Variants in LONP1 observed in about 807,000 individuals in gnomAD.
LONP1 encodes the protein lon peptidase 1, mitochondrial.
In LONP1, 31 loss-of-function variants were observed where a neutral mutation model predicts 98.5. The observed-to-expected ratio is 0.31, with a 90% CI of 0.24 to 0.42. LONP1 has a LOEUF of 0.42. Ranked by LOEUF, LONP1 falls within the 20% of genes least tolerant of loss-of-function variation. The pLI is 1.00. For missense variants in LONP1, 1,336 were observed against 1,350.6 expected (o/e 0.99, Z 0.17); for synonymous variants, 781 against 594.7 (o/e 1.31, Z -4.56).
intron 4 of LONP1, 105 bp from the exon 5 acceptor site, chr19:5,708,508 T>G: frequency 1.2e-6 from 1 of 859,256 alleles, no homozygotes. Context: ...CTCCATCAAC[T>G]CCCTCCCCTC....
chr19:5,701,041 C>A (rs191894759), intron 8 of LONP1, 114 bp from the exon 9 acceptor site: 2 of 1,174,070 alleles, frequency 1.7e-6, no homozygotes, highest in South Asian at 1.3e-5. Context: ...GGGCTGAGCG[C>A]GGTGGCTCAC....
chr19:5,706,682 A>C (rs1012473178), intron 7 of LONP1, among the ~76,000 whole-genome samples: 45 of 152,180 alleles, frequency 3.0e-4, no homozygotes, highest in African/African-American at 9.7e-4. Flanking sequence ...GCCGAAAATC[A>C]TGACAGCGAG....
intron 8 of LONP1, among the ~76,000 whole-genome samples, chr19:5,704,517 T>C (rs1051655472): frequency 8.5e-5 from 13 of 152,170 alleles, no homozygotes; most frequent in African/African-American, 2.2e-4. Context: ...GCCTTCCCTC[T>C]AAGCGCTGTC....
At position 5,704,166 on chromosome 19, in the gene LONP1, G is replaced by T. The variant is rs562259989; in HGVS notation, c.1367+1606C>A. ...GACTGACTGGAAGAGGCTGCGCTGT[G>T]GCTGTGAAGGAGGAAGGGGCCCCGA... is the stretch of plus-strand genomic sequence containing the variant. On this transcript the variant is annotated intron_variant, in intron 8 of 17. Coordinates refer to ENST00000360614, the MANE Select transcript of LONP1 (RefSeq NM_004793.4). Among the ~76,000 whole-genome samples the T allele has an allele frequency of 2.6e-5, 4 of 152,320 alleles. No homozygotes were observed. The East Asian group carries it at 7.7e-4, about 29-fold the overall frequency.
In LONP1 at chr19:5,691,891, C is replaced by T. The variant is rs2145572291; in HGVS notation, c.*141G>A. On this transcript the variant is annotated 3_prime_UTR_variant, in exon 18 of 18. Coordinates refer to ENST00000360614, the MANE Select transcript of LONP1 (RefSeq NM_004793.4). ...CTATGCCACACTCTGATTAAGCCGA[C>T]TGAGGTCCCTGGGATCTGGGTCACT... 5 of 975,020 alleles carry T rather than the reference C, an allele frequency of 5.1e-6. No individual in the cohort carries two copies. Among genetic ancestry groups the T allele is most frequent in the Admixed American group, 2.7e-5 (1 of 37,096 alleles). 60.4% of individuals were successfully genotyped at this position (975,020 alleles called of 1,614,324 possible). A position where few individuals can be genotyped will look rare whatever the true frequency, so the allele number is the denominator to read the frequency against.
At chr19:5,702,094 C>A (rs2055059094) in intron 8 of LONP1, among the ~76,000 whole-genome samples, 1 of 145,962 alleles carries the variant, frequency 6.9e-6, no homozygotes, top group African/African-American at 2.5e-5. Flanking sequence ...CAGCCCCCCA[C>A]CCGGCCAGCC....
At chr19:5,696,549 G>A (rs901410513) in intron 11 of LONP1, 121 bp downstream of exon 11, 36 of 1,295,828 alleles carry the variant, frequency 2.8e-5, no homozygotes, top group Non-Finnish European at 3.6e-5. Flanking sequence ...CGTGCCATCA[G>A]GGCCAGCATC....
chr19:5,711,904 G>T lies in LONP1; in HGVS notation c.737C>A (p.Ala246Glu), dbSNP rs761160186. 2 of 1,612,936 alleles carry T rather than the reference G, an allele frequency of 1.2e-6. No individual in the cohort carries two copies. Among genetic ancestry groups the T allele is most frequent in the East Asian group, 2.2e-5 (1 of 44,848 alleles). ...GTGCCTGGCGCTCAGCTCGTCCTCCGCCTCCTTCTTGCCCCGCTTTGACTT... is the reference window on the plus strand; with the variant it reads ...GTGCCTGGCGCTCAGCTCGTCCTCCTCCTCCTTCTTGCCCCGCTTTGACTT... Reference protein sequence around the residue: ...RRKSKRGKKEAEDELSARHPA... With the variant: ...RRKSKRGKKEEEDELSARHPA... Residue 246 changes from alanine to glutamate, a missense_variant, in exon 4 of 18, where the codon GCG becomes GAG. Transcript: ENST00000360614.
intron 9 of LONP1, among the ~76,000 whole-genome samples, chr19:5,699,670 G>C (rs988542737): frequency 6.3e-4 from 93 of 148,496 alleles, no homozygotes; most frequent in African/African-American, 2.2e-3. Flanking sequence ...CAATTCTCCT[G>C]CCTCAGCCTC....
upstream of LONP1, chr19:5,720,257 C>G (rs1346792663): frequency 1.5e-6 from 2 of 1,311,452 alleles, no homozygotes; most frequent in Non-Finnish European, 2.0e-6. Context: ...CTTCAGGGAG[C>G]TGGGCCTACG....
At chr19:5,693,830 C>T (rs1220969219) in intron 15 of LONP1, 61 bp from the exon 16 acceptor site, 2 of 1,432,798 alleles carry the variant, frequency 1.4e-6, no homozygotes, top group Non-Finnish European at 1.9e-6. Context: ...GTGCTCACTC[C>T]ACCCCTCGGG....
At chr19:5,692,348 C>G in intron 17 of LONP1, 140 bp from the exon 18 acceptor site, 2 of 734,682 alleles carry the variant, frequency 2.7e-6, no homozygotes, top group Non-Finnish European at 4.2e-6. Context: ...CCAAAACCCA[C>G]CAGGGTCCCC....
chr19:5,698,620 A>G (rs1256009504), intron 10 of LONP1, among the ~76,000 whole-genome samples: 1 of 152,142 alleles, frequency 6.6e-6, no homozygotes, highest in East Asian at 1.9e-4. Context: ...TCCAGCCCAC[A>G]GGCTTCGGGG....
At chr19:5,719,281 G>GT (rs2055383238) in intron 1 of LONP1, among the ~76,000 whole-genome samples, 1 of 152,196 alleles carries the variant, frequency 6.6e-6, no homozygotes, top group African/African-American at 2.4e-5. Context: ...CAATCAAGAA[G>GT]TATTTGTCTA....
At chr19:5,700,463 C>CTG (rs2055020018) in intron 9 of LONP1, among the ~76,000 whole-genome samples, 1 of 152,148 alleles carries the variant, frequency 6.6e-6, no homozygotes, top group East Asian at 1.9e-4. Context: ...GTCACCCAAC[C>CTG]TGATGTGCAG....
intron 4 of LONP1, 158 bp from the exon 5 acceptor site, chr19:5,708,561 G>A (rs554561624): frequency 1.3e-5 from 5 of 371,518 alleles, no homozygotes; most frequent in South Asian, 1.3e-4. Context: ...AGATGGAGGA[G>A]TGCAGTCCCT....
At chr19:5,707,890 A>G (rs980449006) in intron 5 of LONP1, 64 bp from the exon 6 acceptor site, 4 of 1,586,056 alleles carry the variant, frequency 2.5e-6, no homozygotes, top group Admixed American at 3.5e-5. Flanking sequence ...TGCAGCCCCC[A>G]AACGGGGACC....
At chr19:5,692,553 G>A (rs1386400595) in intron 17 of LONP1, among the ~76,000 whole-genome samples, 1 of 152,138 alleles carries the variant, frequency 6.6e-6, no homozygotes, top group Non-Finnish European at 1.5e-5. Flanking sequence ...GGCCTGAACA[G>A]GGTTCCTGTG....
Position 5,692,796 on chromosome 19 carries a change from GA to G in LONP1, c.2703+501del, listed in dbSNP as rs1324149277. Among the ~76,000 whole-genome samples, 11 of 152,280 alleles carry G rather than the reference GA, an allele frequency of 7.2e-5. No individual in the cohort carries two copies. The East Asian group carries it at 1.5e-3, about 21-fold the overall frequency. ...CAATTCAAGGTGGTCACAGCCACTT[GA>G]CCATGCCTCCCTCGTGGTGGCATCT... On this transcript the variant is annotated intron_variant, in intron 17 of 17. Transcript: ENST00000360614.
Sources: gnomAD v4.1 joint callset for allele counts (sites outside exome capture counted in the v4.1 genomes callset) on GRCh38, gnomAD v4.1.1 for gene constraint, MANE v1.5 for transcripts, NCBI Gene and HGNC (gene_info 2026-07-23, HGNC 2026-07-21) for gene names.